The following SCHIP1 variants were observed in gnomAD, a reference collection of about 807,000 sequenced individuals.
SCHIP1 encodes the protein schwannomin interacting protein 1.
In SCHIP1, 8 loss-of-function variants were observed where a neutral mutation model predicts 29.7. The ratio of observed to expected loss-of-function variants is 0.27; its 90% CI spans 0.16 to 0.49. The LOEUF is 0.49. SCHIP1 is among the 20% of genes least tolerant of loss of function. SCHIP1 has a pLI of 0.99. For synonymous variants in SCHIP1, 76 were observed against 94.9 expected, an observed-to-expected ratio of 0.80 and a Z score of 1.16; for missense variants, 193 against 294.6, an observed-to-expected ratio of 0.66 and a Z score of 2.52.
At chr3:159,294,203 G>A in the SCHIP1 span, among the ~76,000 whole-genome samples, 1 of 152,082 alleles carries the variant, frequency 6.6e-6, no homozygotes, top group Non-Finnish European at 1.5e-5. Flanking sequence ...TAGGGCAAGT[G>A]GCCTGCTTCT....
At chr3:159,451,066 C>T in the SCHIP1 span, among the ~76,000 whole-genome samples, 5 of 152,190 alleles carry the variant, frequency 3.3e-5, no homozygotes, top group Non-Finnish European at 7.4e-5. Flanking sequence ...CCTCGGCCTC[C>T]GAAGTACTGG....
the SCHIP1 span, among the ~76,000 whole-genome samples, chr3:159,821,969 G>A: frequency 2.0e-4 from 31 of 152,224 alleles, no homozygotes; most frequent in Non-Finnish European, 2.9e-4. Flanking sequence ...GAGATGATTC[G>A]GTCCTGCATG....
the SCHIP1 span, among the ~76,000 whole-genome samples, chr3:159,477,116 C>T: frequency 4.6e-5 from 7 of 152,092 alleles, no homozygotes; most frequent in African/African-American, 2.4e-5. Flanking sequence ...TCACAAATGA[C>T]AGAATTTTCT....
chr3:159,473,848 C>T, the SCHIP1 span, among the ~76,000 whole-genome samples: 1 of 151,982 alleles, frequency 6.6e-6, no homozygotes, highest in Non-Finnish European at 1.5e-5. Context: ...CAAGAGGAAA[C>T]AGGTATGCCT....
the SCHIP1 span, among the ~76,000 whole-genome samples, chr3:159,537,245 C>T: frequency 6.6e-6 from 1 of 152,108 alleles, no homozygotes; most frequent in Non-Finnish European, 1.5e-5. Flanking sequence ...TTGCAGTTCA[C>T]CCCAGTTCTG....
chr3:159,810,915 T>C, the SCHIP1 span, among the ~76,000 whole-genome samples: 5 of 152,242 alleles, frequency 3.3e-5, no homozygotes, highest in Non-Finnish European at 7.3e-5. Flanking sequence ...CTATCTTATA[T>C]TCCCATCGGC....
At chr3:159,479,172 C>T in the SCHIP1 span, among the ~76,000 whole-genome samples, 1 of 152,064 alleles carries the variant, frequency 6.6e-6, no homozygotes, top group Non-Finnish European at 1.5e-5. Flanking sequence ...ATGTTAATAT[C>T]AGAAAAAGTT....
chr3:159,592,122 G>A, the SCHIP1 span, among the ~76,000 whole-genome samples: 8 of 152,050 alleles, frequency 5.3e-5, no homozygotes, highest in African/African-American at 1.9e-4. Flanking sequence ...GTACTCAGCT[G>A]CTATCCCAGA....
chr3:159,274,708 A>G, the SCHIP1 span: 1 of 819,046 alleles, frequency 1.2e-6, no homozygotes, highest in Non-Finnish European at 1.5e-6. Context: ...TTGATTAGCT[A>G]TTCAAATTTT....
the SCHIP1 span, among the ~76,000 whole-genome samples, chr3:159,522,847 G>A: frequency 4.6e-4 from 70 of 152,190 alleles, 1 homozygote; most frequent in Non-Finnish European, 7.2e-4. Context: ...CCAGCCCGGC[G>A]ACAGAGCGAG....
the SCHIP1 span, among the ~76,000 whole-genome samples, chr3:159,283,143 CAT>C: frequency 2.0e-5 from 3 of 151,986 alleles, no homozygotes; most frequent in African/African-American, 4.8e-5. Context: ...TTTGAAATTT[CAT>C]ATGTTTTATA....
At chr3:159,294,588 A>G in the SCHIP1 span, among the ~76,000 whole-genome samples, 1 of 152,222 alleles carries the variant, frequency 6.6e-6, no homozygotes, top group Non-Finnish European at 1.5e-5. Flanking sequence ...CAGACAATTG[A>G]AATGCAGAAA....
chr3:159,502,787 G>C, the SCHIP1 span, among the ~76,000 whole-genome samples: 1 of 152,110 alleles, frequency 6.6e-6, no homozygotes, highest in Non-Finnish European at 1.5e-5. Context: ...AGCCACAATG[G>C]CCTTTCTAAC....
At chr3:159,620,020 C>A in the SCHIP1 span, among the ~76,000 whole-genome samples, 1 of 152,152 alleles carries the variant, frequency 6.6e-6, no homozygotes, top group Non-Finnish European at 1.5e-5. Flanking sequence ...ACATTTATCT[C>A]ATTTTATGGA....
chr3:159,630,760 G>A, the SCHIP1 span, among the ~76,000 whole-genome samples: 2 of 152,072 alleles, frequency 1.3e-5, no homozygotes. Flanking sequence ...CTACAAATTA[G>A]GTACGGTGTA....
At chr3:159,728,212 A>T in the SCHIP1 span, among the ~76,000 whole-genome samples, 4 of 152,104 alleles carry the variant, frequency 2.6e-5, no homozygotes, top group Non-Finnish European at 4.4e-5. Flanking sequence ...TCTTTTCACC[A>T]TCATTCTGGG....
rs1009261594 is a variant in SCHIP1 at position 159,846,959 on chromosome 3, GA to G, written c.30+6755del. Among the ~76,000 whole-genome samples, 14 of 148,172 alleles carry G rather than the reference GA, an allele frequency of 9.4e-5. 1 individual carries two copies. Among genetic ancestry groups the G allele is most frequent in the East Asian group, 3.9e-4 (2 of 5,132 alleles). ...AGCACAATGATAAGAGCCCCACATG[GA>G]AAAAAAAAATTAGCAGGGCTTCATT... On this transcript the variant is annotated intron_variant, in intron 1 of 6. Coordinates refer to ENST00000445224, the Ensembl canonical transcript of SCHIP1.
chr3:159,669,783 G>A, the SCHIP1 span, among the ~76,000 whole-genome samples: 3 of 152,148 alleles, frequency 2.0e-5, no homozygotes, highest in Non-Finnish European at 4.4e-5. Context: ...TTGGTGATTC[G>A]GGATAAAGAG....
the SCHIP1 span, among the ~76,000 whole-genome samples, chr3:159,739,869 C>G: frequency 6.6e-6 from 1 of 152,184 alleles, no homozygotes; most frequent in Non-Finnish European, 1.5e-5. Flanking sequence ...CAACTGCGAC[C>G]AAGTCTACAT....
Sources: gnomAD v4.1 joint callset for allele counts (sites outside exome capture counted in the v4.1 genomes callset) on GRCh38, gnomAD v4.1.1 for gene constraint, MANE v1.5 for transcripts, NCBI Gene and HGNC (gene_info 2026-07-23, HGNC 2026-07-21) for gene names.